ITGA2: variants seen among roughly 807,000 people sequenced by gnomAD.
The protein encoded by ITGA2 is integrin alpha-2.
In ITGA2, 101 loss-of-function variants were observed where a neutral mutation model predicts 146.3. The observed-to-expected ratio is 0.69, with a 90% CI of 0.59 to 0.81. The LOEUF (loss-of-function observed/expected upper bound fraction) is 0.81, where lower values mean the gene tolerates loss of function less well. Among genes scored for constraint, ITGA2 ranks in the 40% least tolerant of loss-of-function variants. ITGA2 has a pLI of 0.00. For missense variants in ITGA2, 1,281 were observed against 1,402.7 expected (o/e 0.91, Z 1.39); for synonymous variants, 477 against 487.1 (o/e 0.98, Z 0.27).
chr5:53,051,701 C>A, intron 7 of ITGA2, 142 bp downstream of exon 7: 1 of 848,114 alleles, frequency 1.2e-6, no homozygotes, highest in Non-Finnish European at 1.9e-6. Flanking sequence ...AAGAAAAAAA[C>A]ATCAGAGCAT....
chr5:53,036,447 C>T (rs1743497138), intron 2 of ITGA2, among the ~76,000 whole-genome samples: 1 of 152,164 alleles, frequency 6.6e-6, no homozygotes, highest in Non-Finnish European at 1.5e-5. Flanking sequence ...TCCACTATCC[C>T]CCTCACTCAT....
intron 1 of ITGA2, 92 bp downstream of exon 1, chr5:52,989,624 A>T: frequency 7.2e-7 from 1 of 1,388,784 alleles, no homozygotes; most frequent in Non-Finnish European, 1.0e-6. Context: ...CTAGGGAGCG[A>T]GCTCCGTGTG....
At chr5:53,029,346 C>T (rs994300746) in intron 2 of ITGA2, among the ~76,000 whole-genome samples, 4 of 152,182 alleles carry the variant, frequency 2.6e-5, no homozygotes, top group African/African-American at 9.6e-5. Flanking sequence ...TGGGTGTCAG[C>T]CTCTCTCCTA....
intron 9 of ITGA2, 134 bp downstream of exon 9, chr5:53,056,283 G>A: frequency 1.5e-6 from 1 of 687,174 alleles, no homozygotes. Context: ...TAAGAGAAAT[G>A]GATGAAAAAC....
At chr5:53,074,990 A>C (rs906695475) in intron 21 of ITGA2, 71 bp from the exon 22 acceptor site, 1 of 1,015,720 alleles carries the variant, frequency 9.8e-7, no homozygotes, top group Non-Finnish European at 1.5e-6. Flanking sequence ...TTTATGAGAA[A>C]CATTTTTTTT....
intron 2 of ITGA2, among the ~76,000 whole-genome samples, chr5:53,033,043 G>A (rs538584927): frequency 2.0e-5 from 3 of 152,122 alleles, no homozygotes; most frequent in Admixed American, 1.3e-4. Context: ...CAAGGCGGGC[G>A]GATCACTTGA....
chr5:53,075,221 T>A lies in ITGA2; in HGVS notation c.2742T>A (p.Ser914Arg). ...AATTTCCTAATGTTTCTTTCTATAG[T>A]GAAAGCCAAGAAGAAAACAAGGCTG... ...NQASLSFQAL[S>R]ESQEENKADN... Residue 914 changes from serine (S) to arginine (R), a missense_variant and splice_region_variant, in exon 23 of 30, where the codon AGT becomes AGA. Physicochemically the swap from Ser to Arg is moderately radical, Grantham distance 110. This residue lies in a region of ITGA2 where 475 missense variants were observed against 530.5 expected (regional missense o/e 0.90). Coordinates refer to ENST00000296585, the MANE Select transcript of ITGA2 (RefSeq NM_002203.4). 1 of 1,612,434 alleles carries A rather than the reference T, an allele frequency of 6.2e-7. No homozygotes were observed. Among genetic ancestry groups the A allele is most frequent in the Non-Finnish European group, 8.5e-7 (1 of 1,179,028 alleles).
chr5:53,053,000 A>G (rs1444516544), intron 7 of ITGA2, among the ~76,000 whole-genome samples: 4 of 152,074 alleles, frequency 2.6e-5, no homozygotes, highest in African/African-American at 4.8e-5. Flanking sequence ...ACCAAATTCA[A>G]TCTGTCCCAC....
chr5:53,005,407 C>G (rs1242603303), intron 1 of ITGA2, among the ~76,000 whole-genome samples: 5 of 151,786 alleles, frequency 3.3e-5, no homozygotes, highest in Non-Finnish European at 7.4e-5. Flanking sequence ...TGTGGTGAAA[C>G]CCCATCTGTA....
At chr5:53,012,551 G>T (rs1283269918) in intron 1 of ITGA2, among the ~76,000 whole-genome samples, 1 of 152,074 alleles carries the variant, frequency 6.6e-6, no homozygotes, top group African/African-American at 2.4e-5. Flanking sequence ...GAATAGCACT[G>T]CAATGAACAT....
intron 2 of ITGA2, 104 bp from the exon 3 acceptor site, chr5:53,042,008 G>C (rs1743822753): frequency 1.3e-6 from 1 of 781,808 alleles, no homozygotes; most frequent in Non-Finnish European, 2.3e-6. Flanking sequence ...AATATAAACT[G>C]TTCACATTGA....
chr5:53,046,545 A>T (rs1744098124), intron 4 of ITGA2, among the ~76,000 whole-genome samples: 1 of 151,996 alleles, frequency 6.6e-6, no homozygotes, highest in South Asian at 2.1e-4. Context: ...AAAATTTAAA[A>T]AAAGAACATA....
At chr5:53,076,840 G>C (rs138854156) in intron 23 of ITGA2, among the ~76,000 whole-genome samples, 9 of 151,996 alleles carry the variant, frequency 5.9e-5, no homozygotes, top group Non-Finnish European at 1.2e-4. Flanking sequence ...AATTAACGTA[G>C]GGAATTATAA....
chr5:53,008,045 A>T (rs1398572638), intron 1 of ITGA2, among the ~76,000 whole-genome samples: 8 of 152,016 alleles, frequency 5.3e-5, no homozygotes, highest in African/African-American at 1.4e-4. Flanking sequence ...GTAAATTGGA[A>T]TTTTCTGGTG....
intron 6 of ITGA2, among the ~76,000 whole-genome samples, chr5:53,050,311 A>C (rs1744291263): frequency 6.6e-6 from 1 of 152,100 alleles, no homozygotes; most frequent in South Asian, 2.1e-4. Context: ...CTAACCTACC[A>C]CATTTCTTTA....
At chr5:53,052,056 T>C (rs1160988677) in intron 7 of ITGA2, among the ~76,000 whole-genome samples, 5 of 152,168 alleles carry the variant, frequency 3.3e-5, no homozygotes, top group Non-Finnish European at 5.9e-5. Flanking sequence ...CTCTATTTTC[T>C]CAGATCCACT....
chr5:53,045,586 G>C (rs1366657370), intron 4 of ITGA2, among the ~76,000 whole-genome samples: 2 of 152,054 alleles, frequency 1.3e-5, no homozygotes, highest in Non-Finnish European at 2.9e-5. Flanking sequence ...GAAATAGAAT[G>C]CCTTATTTAA....
At chr5:53,049,304 G>T (rs1234732399) in intron 6 of ITGA2, among the ~76,000 whole-genome samples, 1 of 152,152 alleles carries the variant, frequency 6.6e-6, no homozygotes, top group African/African-American at 2.4e-5. Flanking sequence ...GAGCCACCAT[G>T]CCCGGCCAGG....
intron 1 of ITGA2, among the ~76,000 whole-genome samples, chr5:53,003,847 G>A (rs191402714): frequency 1.2e-3 from 175 of 151,976 alleles, no homozygotes; most frequent in African/African-American, 4.0e-3. Context: ...GTCTCACGAC[G>A]TTTGCCCAGG....
Sources: allele counts gnomAD v4.1 joint callset (sites outside exome capture counted in the v4.1 genomes callset), GRCh38; gene constraint gnomAD v4.1.1; regional missense constraint gnomAD v4.1.1; transcripts MANE v1.5; gene names NCBI Gene and HGNC (gene_info 2026-07-23, HGNC 2026-07-21).